The following DIP2C variants were observed in gnomAD, a reference collection of about 807,000 sequenced individuals.
DIP2C encodes the protein disco-interacting protein 2 homolog C.
In DIP2C, 33 loss-of-function variants were observed where a neutral mutation model predicts 192.4. That is an observed-to-expected ratio of 0.17 (90% CI 0.13 to 0.23). The LOEUF (loss-of-function observed/expected upper bound fraction) is 0.23, where lower values mean the gene tolerates loss of function less well. Ranked by LOEUF, DIP2C falls within the 10% of genes least tolerant of loss-of-function variation. DIP2C has a pLI of 1.00. For synonymous variants in DIP2C, 979 were observed against 864.1 expected, an observed-to-expected ratio of 1.13 and a Z score of -2.33; for missense variants, 1,537 against 2,110.1, an observed-to-expected ratio of 0.73 and a Z score of 5.32.
chr10:583,726 A>G (rs1328684351), intron 1 of DIP2C, among the ~76,000 whole-genome samples: 2 of 152,242 alleles, frequency 1.3e-5, no homozygotes, highest in Admixed American at 1.3e-4. Context: ...GTAATAAAAT[A>G]AAGAACACCC....
chr10:494,773 T>C (rs532128033), intron 1 of DIP2C, among the ~76,000 whole-genome samples: 10 of 152,334 alleles, frequency 6.6e-5, no homozygotes, highest in Non-Finnish European at 1.0e-4. Context: ...AAGGGAACCC[T>C]TGCACGCTGT....
chr10:382,616 G>A (rs368101108), intron 17 of DIP2C, 31 bp downstream of exon 17: 57 of 1,539,732 alleles, frequency 3.7e-5, no homozygotes, highest in Non-Finnish European at 5.1e-5. Context: ...CTGTCTCTAG[G>A]TTATCTACGT....
chr10:381,061 A>G (rs1285698107), intron 17 of DIP2C, among the ~76,000 whole-genome samples: 2 of 152,176 alleles, frequency 1.3e-5, no homozygotes, highest in African/African-American at 4.8e-5. Context: ...AATTTATTCA[A>G]AAGTAACTTA....
At chr10:389,782 CATAA>C (rs1266101639) in intron 13 of DIP2C, among the ~76,000 whole-genome samples, 4 of 152,270 alleles carry the variant, frequency 2.6e-5, no homozygotes, top group African/African-American at 9.6e-5. Context: ...GCTGTGCGGA[CATAA>C]ATGTCTGCTG....
At chr10:616,409 TGTTCA>T (rs1853474619) in intron 1 of DIP2C, among the ~76,000 whole-genome samples, 4 of 152,242 alleles carry the variant, frequency 2.6e-5, no homozygotes, top group African/African-American at 9.6e-5. Context: ...TAATTTGCTT[TGTTCA>T]TAAAAGATTT....
intron 1 of DIP2C, among the ~76,000 whole-genome samples, chr10:566,455 T>G (rs1322859096): frequency 6.6e-6 from 1 of 152,078 alleles, no homozygotes; most frequent in Non-Finnish European, 1.5e-5. Context: ...TCCTCTCGAG[T>G]AGCACACCAC....
rs1428663253 is a variant in DIP2C, at chr10:416,570, T to C, written c.740-682A>G. Among the ~76,000 whole-genome samples the C allele has an allele frequency of 2.0e-5, 3 of 152,308 alleles. No homozygotes were observed. In the South Asian group the frequency reaches 6.2e-4, roughly 32 times the overall value. On this transcript the variant is annotated intron_variant, in intron 6 of 36. Transcript: ENST00000280886. Reference sequence around the variant, plus strand: ...AAATTCAAATTTTTGTGTAACAGAATACTAGCCCCTACCTATCCAAGTGGA... The same window carrying C: ...AAATTCAAATTTTTGTGTAACAGAACACTAGCCCCTACCTATCCAAGTGGA...
At chr10:359,339 C>T (rs937995074) in intron 22 of DIP2C, among the ~76,000 whole-genome samples, 6 of 152,138 alleles carry the variant, frequency 3.9e-5, no homozygotes, top group Admixed American at 2.0e-4. Flanking sequence ...ATCACAGCTG[C>T]GCAGGAGAAG....
At chr10:626,444 C>CCCCCTGTCCCCGGGGTTACCCTCCGT (rs1564284014) in intron 1 of DIP2C, among the ~76,000 whole-genome samples, 1 of 148,466 alleles carries the variant, frequency 6.7e-6, no homozygotes, top group Non-Finnish European at 1.5e-5. Flanking sequence ...TACCCTCCGT[C>CCCCCTGTCCCCGGGGTTACCCTCCGT]CCCCCGTCCC....
intron 21 of DIP2C, 32 bp from the exon 22 acceptor site, chr10:362,723 T>G (rs764628276): frequency 7.0e-6 from 11 of 1,575,298 alleles, no homozygotes; most frequent in African/African-American, 1.4e-5. Context: ...AATCATGTTA[T>G]AAGAGGAAGT....
intron 31 of DIP2C, chr10:325,104 A>C (rs972440546): frequency 1.9e-5 from 7 of 363,154 alleles, no homozygotes; most frequent in South Asian, 6.3e-5. Flanking sequence ...TCTCTACTAA[A>C]AATACAAAAA....
intron 1 of DIP2C, among the ~76,000 whole-genome samples, chr10:661,410 G>A (rs775691486): frequency 6.6e-5 from 10 of 152,112 alleles, no homozygotes; most frequent in African/African-American, 1.4e-4. Context: ...TCCAGGCCTC[G>A]AAGGACCATC....
intron 1 of DIP2C, among the ~76,000 whole-genome samples, chr10:633,844 C>A (rs1854674909): frequency 6.6e-6 from 1 of 152,204 alleles, no homozygotes; most frequent in Non-Finnish European, 1.5e-5. Flanking sequence ...CATAGCGGGG[C>A]CCCGGCACAC....
chr10:554,642 G>T (rs544961591), intron 1 of DIP2C, among the ~76,000 whole-genome samples: 1 of 152,356 alleles, frequency 6.6e-6, no homozygotes, highest in African/African-American at 2.4e-5. Flanking sequence ...GTTCCCAGAT[G>T]AGGGGCAGAG....
intron 32 of DIP2C, among the ~76,000 whole-genome samples, chr10:301,836 G>C (rs973636082): frequency 2.6e-5 from 4 of 152,232 alleles, no homozygotes; most frequent in Non-Finnish European, 4.4e-5. Flanking sequence ...GGCAAGAGAA[G>C]TGGGAGCAGT....
intron 1 of DIP2C, among the ~76,000 whole-genome samples, chr10:609,139 A>G (rs1161736217): frequency 6.6e-6 from 1 of 152,182 alleles, no homozygotes; most frequent in Admixed American, 6.5e-5. Flanking sequence ...TGAAATTGCT[A>G]AAACCACCAA....
intron 9 of DIP2C, among the ~76,000 whole-genome samples, chr10:406,530 C>A (rs1179041695): frequency 6.6e-6 from 1 of 150,578 alleles, no homozygotes; most frequent in Non-Finnish European, 1.5e-5. Flanking sequence ...TCAGACCTAA[C>A]CAACTCCATC....
chr10:364,548 C>T lies in DIP2C; in HGVS notation c.2303G>A (p.Ser768Asn). The T allele has an allele frequency of 1.9e-6, 3 of 1,614,198 alleles. No homozygotes were observed. The highest frequency in any genetic ancestry group is 1.6e-4 in the Middle Eastern group (1 of 6,062). ...GCCTGTCCTTATGAATGGGTATTCACTGATCGGAGCCCCGGAGCTTGTCAT... is the reference window on the plus strand; with the variant it reads ...GCCTGTCCTTATGAATGGGTATTCATTGATCGGAGCCCCGGAGCTTGTCAT... The part of the protein sequence containing the change: ...FPMTSSGAPI[S>N]EYPFIRTGLL... Residue 768 changes from serine to asparagine, a missense_variant, in exon 20 of 37, where the codon AGT becomes AAT. By Grantham distance (46) the Ser-to-Asn change is conservative. Transcript: ENST00000280886.
chr10:361,840 C>T (rs1049457273), intron 22 of DIP2C, among the ~76,000 whole-genome samples: 3 of 152,144 alleles, frequency 2.0e-5, no homozygotes, highest in Non-Finnish European at 4.4e-5. Flanking sequence ...GAGCGGCTCC[C>T]AACAGAAGGC....
Sources: allele counts gnomAD v4.1 joint callset (sites outside exome capture counted in the v4.1 genomes callset), GRCh38; gene constraint gnomAD v4.1.1; transcripts MANE v1.5; gene names NCBI Gene and HGNC (gene_info 2026-07-23, HGNC 2026-07-21).